Variants in PRKAR2B observed in about 807,000 individuals in gnomAD.
PRKAR2B encodes the protein cAMP-dependent protein kinase type II-beta regulatory subunit.
A neutral mutation model predicts 49.9 loss-of-function variants in PRKAR2B; 14 were observed. The observed-to-expected ratio is 0.28, with a 90% confidence interval of 0.19 to 0.44. PRKAR2B has a LOEUF of 0.44. Among genes scored for constraint, PRKAR2B ranks in the 20% least tolerant of loss-of-function variants. PRKAR2B has a pLI of 1.00. For synonymous variants in PRKAR2B, 196 were observed against 197.7 expected, an observed-to-expected ratio of 0.99 and a Z score of 0.07; for missense variants, 393 against 537.9, an observed-to-expected ratio of 0.73 and a Z score of 2.67.
In PRKAR2B at chr7:107,146,295, A is replaced by C; in HGVS notation, c.588-13A>C. On this transcript the variant is annotated splice_polypyrimidine_tract_variant and intron_variant, in intron 5 of 10. Transcript: ENST00000265717. ...TTATTTGAATTAACCTCCAATCTAC[A>C]TATGTCCAACAGAGGCACATTTGAT... is the stretch of plus-strand genomic sequence containing the variant. The C allele has an allele frequency of 6.2e-7, 1 of 1,611,170 alleles. No individual in the cohort carries two copies. The highest frequency in any genetic ancestry group is 8.5e-7 in the Non-Finnish European group (1 of 1,178,152).
At chr7:107,109,339 A>C (rs1795131627) in intron 2 of PRKAR2B, among the ~76,000 whole-genome samples, 1 of 152,006 alleles carries the variant, frequency 6.6e-6, no homozygotes, top group Admixed American at 6.6e-5. Flanking sequence ...GGCTCACTGC[A>C]GCCTTGACCT....
intron 8 of PRKAR2B, 74 bp from the exon 9 acceptor site, chr7:107,156,910 G>A: frequency 7.8e-7 from 1 of 1,275,170 alleles, no homozygotes. Context: ...CAATTTTAGG[G>A]ATATGAAAGG....
In PRKAR2B at chr7:107,140,289, T is replaced by C. The variant is rs150780611; in HGVS notation, c.481-558T>C. 4.2e-3 allele frequency among the ~76,000 whole-genome samples: 635 copies of C among 152,298 alleles called. 4 individuals are homozygous for C. The highest frequency in any genetic ancestry group is 0.014 in the African/African-American group (602 of 41,566). ...GGATGCAGCTTGAAGCCAACCTTAA[T>C]GACAGTGAATAGTGACAGAATATTT... On this transcript the variant is annotated intron_variant, in intron 4 of 10. Coordinates refer to ENST00000265717, the MANE Select transcript of PRKAR2B (RefSeq NM_002736.3).
rs536889322 is a variant in PRKAR2B, at chr7:107,076,606, A to G, written c.343+6290A>G. On this transcript the variant is annotated intron_variant, in intron 2 of 10. Transcript: ENST00000265717. ...ACATTTACTATTGCTTTCAAGGACTACTTGAAAGCAATTACTTGTTCTAAT... is the reference window on the plus strand; with the variant it reads ...ACATTTACTATTGCTTTCAAGGACTGCTTGAAAGCAATTACTTGTTCTAAT... Among the ~76,000 whole-genome samples the G allele has an allele frequency of 2.6e-5, 4 of 152,324 alleles. No homozygotes were observed. The South Asian group carries it at 6.2e-4, about 24-fold the overall frequency.
intron 1 of PRKAR2B, among the ~76,000 whole-genome samples, chr7:107,064,245 C>T (rs1794085209): frequency 6.6e-6 from 1 of 152,164 alleles, no homozygotes; most frequent in Non-Finnish European, 1.5e-5. Flanking sequence ...GAACTGGAGA[C>T]TCATGTTCAT....
At chr7:107,126,420 CAAAAAAAAAA>C (rs35682952) in intron 3 of PRKAR2B, among the ~76,000 whole-genome samples, 3 of 38,392 alleles carry the variant, frequency 7.8e-5, no homozygotes, top group African/African-American at 3.1e-4. Flanking sequence ...GAATCTGTCT[CAAAAAAAAAA>C]AAAAAAAAAA....
intron 2 of PRKAR2B, among the ~76,000 whole-genome samples, chr7:107,086,230 T>C (rs1186875423): frequency 6.6e-6 from 1 of 152,180 alleles, no homozygotes; most frequent in Non-Finnish European, 1.5e-5. Flanking sequence ...TCAATGGCTT[T>C]GAGTTCGGAT....
intron 5 of PRKAR2B, among the ~76,000 whole-genome samples, chr7:107,143,790 A>G (rs1470336705): frequency 6.6e-6 from 1 of 152,206 alleles, no homozygotes; most frequent in Non-Finnish European, 1.5e-5. Context: ...AATTATATTG[A>G]GGCTGTGTGT....
intron 3 of PRKAR2B, 56 bp from the exon 4 acceptor site, chr7:107,128,156 T>G: frequency 8.9e-7 from 1 of 1,121,794 alleles, no homozygotes; most frequent in South Asian, 1.3e-5. Context: ...TAAAATCTCT[T>G]TGAGTGAGAT....
intron 2 of PRKAR2B, among the ~76,000 whole-genome samples, chr7:107,118,238 C>G (rs1795315634): frequency 6.6e-6 from 1 of 152,262 alleles, no homozygotes; most frequent in East Asian, 1.9e-4. Context: ...ACAAAAGGCT[C>G]TCATTTTCAC....
At chr7:107,065,856 A>G (rs1794127079) in intron 1 of PRKAR2B, among the ~76,000 whole-genome samples, 2 of 152,188 alleles carry the variant, frequency 1.3e-5, no homozygotes, top group South Asian at 4.1e-4. Context: ...TCCGTCCAGC[A>G]GGTATGGGAG....
chr7:107,154,968 C>T (rs1416229105), intron 8 of PRKAR2B, among the ~76,000 whole-genome samples: 4 of 152,194 alleles, frequency 2.6e-5, no homozygotes, highest in Non-Finnish European at 2.9e-5. Context: ...TCTGCTGCTT[C>T]CGGCTCCATC....
intron 5 of PRKAR2B, among the ~76,000 whole-genome samples, chr7:107,144,280 G>A (rs1299836620): frequency 2.6e-5 from 4 of 151,820 alleles, no homozygotes; most frequent in Admixed American, 1.3e-4. Flanking sequence ...TAGAGACGGG[G>A]TTTCACCATG....
At chr7:107,156,956 C>G in intron 8 of PRKAR2B, 28 bp from the exon 9 acceptor site, 2 of 1,567,104 alleles carry the variant, frequency 1.3e-6, no homozygotes, top group Non-Finnish European at 1.8e-6. Context: ...GCATTTTCAC[C>G]GTCTGTTTTT....
rs1795823581 is a variant in PRKAR2B at position 107,143,347 on chromosome 7, A to G, written c.587+2394A>G. On this transcript the variant is annotated intron_variant, in intron 5 of 10. Transcript: ENST00000265717. ...CACCTGACCTCATGTGATGGTTTAC[A>G]GTCAAAATGCAGGCACACAACAGCT... is the stretch of plus-strand genomic sequence containing the variant. Among the ~76,000 whole-genome samples the G allele has an allele frequency of 2.0e-5, 3 of 152,242 alleles. No homozygotes were observed. The South Asian group carries it at 6.2e-4, about 31-fold the overall frequency.
rs1450711992 is a variant in PRKAR2B, at chr7:107,091,881, A to G, written c.343+21565A>G. 3 of 152,290 alleles carry G rather than the reference A, an allele frequency of 2.0e-5. No individual in the cohort carries two copies. The East Asian group carries it at 5.8e-4, about 29-fold the overall frequency. 9.4% of individuals were successfully genotyped at this position (152,290 alleles called of 1,614,324 possible). A position where few individuals can be genotyped will look rare whatever the true frequency, so the allele number is the denominator to read the frequency against. On this transcript the variant is annotated intron_variant, in intron 2 of 10. Coordinates refer to ENST00000265717, the MANE Select transcript of PRKAR2B (RefSeq NM_002736.3). ...CGAATCTACTGAAACAGAAACATAA[A>G]TAAGGTGCGTTCTGTGTTTCTATGT...
At chr7:107,116,092 T>G (rs1034935968) in intron 2 of PRKAR2B, among the ~76,000 whole-genome samples, 7 of 152,230 alleles carry the variant, frequency 4.6e-5, no homozygotes, top group Non-Finnish European at 8.8e-5. Context: ...ATCTGACATA[T>G]GCAGTATGCA....
intron 5 of PRKAR2B, among the ~76,000 whole-genome samples, chr7:107,143,136 C>T (rs556749660): frequency 1.2e-4 from 18 of 152,184 alleles, no homozygotes; most frequent in Non-Finnish European, 2.2e-4. Flanking sequence ...TACTTCTCCT[C>T]GGCACATTTG....
At chr7:107,075,941 G>T (rs1252006841) in intron 2 of PRKAR2B, among the ~76,000 whole-genome samples, 1 of 152,094 alleles carries the variant, frequency 6.6e-6, no homozygotes, top group East Asian at 1.9e-4. Flanking sequence ...TCTCTGAATT[G>T]GGGAGGGGCT....
Sources: gnomAD v4.1 joint callset for allele counts (sites outside exome capture counted in the v4.1 genomes callset) on GRCh38, gnomAD v4.1.1 for gene constraint, MANE v1.5 for transcripts, NCBI Gene and HGNC (gene_info 2026-07-23, HGNC 2026-07-21) for gene names.